Variants in PCLO observed in about 807,000 individuals in gnomAD.
PCLO encodes the protein piccolo presynaptic cytomatrix protein.
PCLO carries 82 observed loss-of-function variants against 427.5 expected under a neutral mutation model. That is an observed-to-expected ratio of 0.19 (90% CI 0.16 to 0.23). PCLO has a LOEUF of 0.23. PCLO is among the 10% of genes least tolerant of loss of function. The pLI is 1.00. For synonymous variants in PCLO, 2,357 were observed against 2,155.4 expected, an observed-to-expected ratio of 1.09 and a Z score of -2.59; for missense variants, 6,239 against 6,115.9, an observed-to-expected ratio of 1.02 and a Z score of -0.67.
At chr7:82,823,778 G>C (rs1791858340) in intron 19 of PCLO, among the ~76,000 whole-genome samples, 1 of 152,108 alleles carries the variant, frequency 6.6e-6, no homozygotes, top group Admixed American at 6.6e-5. Flanking sequence ...TAAATAAAAA[G>C]TAGCATGCAA....
intron 3 of PCLO, among the ~76,000 whole-genome samples, chr7:83,112,475 A>G (rs1562969696): frequency 6.6e-6 from 1 of 152,174 alleles, no homozygotes; most frequent in Non-Finnish European, 1.5e-5. Flanking sequence ...TTTTAGATAT[A>G]CAAAAGAATG....
intron 16 of PCLO, among the ~76,000 whole-genome samples, chr7:82,831,226 T>C (rs1339538933): frequency 6.6e-6 from 1 of 152,114 alleles, no homozygotes; most frequent in African/African-American, 2.4e-5. Flanking sequence ...AGGCGTATTG[T>C]CAAAGTTGCA....
Position 82,950,174 on chromosome 7 carries a change from C to T in PCLO, c.10414G>A (p.Val3472Ile), listed in dbSNP as rs368126805. The T allele has an allele frequency of 2.6e-5, 42 of 1,611,114 alleles. No homozygotes were observed. The highest frequency in any genetic ancestry group is 1.8e-4 in the East Asian group (8 of 44,786). ...TCCTGATCTTCATCATCAGTTTGGA[C>T]GCTTGTATCCACACTCTTTTTAGTT... ...RRTKKSVDTS[V>I]QTDDEDQDEW... is the part of the protein sequence containing the mutation. Residue 3472 changes from valine (V) to isoleucine (I), a missense_variant, in exon 6 of 25, where the codon GTC (valine) becomes ATC (isoleucine). Val to Ile is a conservative substitution (Grantham distance 29, BLOSUM62 3). Around this residue, in one of 5 missense-constraint regions of PCLO, gnomAD observed 4,677 missense variants for 4,468.4 expected, o/e 1.05. Transcript: ENST00000333891.
At chr7:82,771,983 C>T (rs1790656845) in intron 22 of PCLO, among the ~76,000 whole-genome samples, 1 of 152,006 alleles carries the variant, frequency 6.6e-6, no homozygotes, top group Admixed American at 6.6e-5. Flanking sequence ...ACAACGGACT[C>T]AAATGGTAAT....
At chr7:83,082,676 C>A (rs10241885) in intron 3 of PCLO, among the ~76,000 whole-genome samples, 42,430 of 150,976 alleles carry the variant, frequency 0.28, 6,961 homozygotes, top group East Asian at 0.55. Context: ...AATGATTAAG[C>A]CTTGAAGTGA....
intron 3 of PCLO, among the ~76,000 whole-genome samples, chr7:83,104,015 T>G (rs1220038854): frequency 6.6e-6 from 1 of 152,048 alleles, no homozygotes; most frequent in African/African-American, 2.4e-5. Flanking sequence ...TGAAAATTGT[T>G]GTTCATTAAG....
rs142689961 is a variant in PCLO at position 82,967,566 on chromosome 7, A to G, written c.3301-1079T>C. The stretch of plus-strand genomic sequence containing the variant: ...AGGGTCTTTAGACATACAAATTCCT[A>G]GGAACTACACCAAAAACCATTTTAG... On this transcript the variant is annotated intron_variant, in intron 3 of 24. Coordinates refer to ENST00000333891, the MANE Select transcript of PCLO (RefSeq NM_033026.6). Among the ~76,000 whole-genome samples the G allele has an allele frequency of 3.7e-4, 57 of 152,270 alleles. No individual in the cohort carries two copies. The East Asian group carries it at 9.7e-3, about 26-fold the overall frequency.
chr7:82,787,420 T>G (rs906776163), intron 22 of PCLO, among the ~76,000 whole-genome samples: 1 of 152,170 alleles, frequency 6.6e-6, no homozygotes, highest in Non-Finnish European at 1.5e-5. Flanking sequence ...AAAAGCAGGT[T>G]TTTAAATAAC....
chr7:83,058,660 C>T (rs920833234), intron 3 of PCLO, among the ~76,000 whole-genome samples: 2 of 152,094 alleles, frequency 1.3e-5, no homozygotes, highest in African/African-American at 4.8e-5. Flanking sequence ...CTCACAGCTA[C>T]TCTATTATTT....
Position 83,038,019 on chromosome 7 carries a change from ATATATATATATT to A in PCLO, c.3301-71544_3301-71533del, listed in dbSNP as rs1562932871. ...TATATATATATATATATATATATAT[ATATATATATATT>A]TATATATTTATATATATATCTTTAT... On this transcript the variant is annotated intron_variant, in intron 3 of 24. Coordinates refer to ENST00000333891, the MANE Select transcript of PCLO (RefSeq NM_033026.6). Among the ~76,000 whole-genome samples the A allele has an allele frequency of 2.8e-4, 13 of 47,054 alleles. 1 individual carries two copies. Among genetic ancestry groups the A allele is most frequent in the Non-Finnish European group, 3.5e-4 (10 of 28,782 alleles). 30.9% of individuals were successfully genotyped at this position (47,054 alleles called of 152,430 possible).
At chr7:82,779,280 TTGTC>T (rs1228784129) in intron 22 of PCLO, among the ~76,000 whole-genome samples, 4 of 152,290 alleles carry the variant, frequency 2.6e-5, no homozygotes, top group Admixed American at 2.0e-4. Context: ...TTTTTTCTCT[TTGTC>T]TGGTTTTCAC....
intron 22 of PCLO, among the ~76,000 whole-genome samples, chr7:82,777,802 AC>A (rs1460397451): frequency 6.6e-6 from 1 of 152,102 alleles, no homozygotes; most frequent in Non-Finnish European, 1.5e-5. Flanking sequence ...AAGTATAAAA[AC>A]CCTGGAAGAT....
At chr7:83,009,460 T>C (rs895470778) in intron 3 of PCLO, among the ~76,000 whole-genome samples, 2 of 151,856 alleles carry the variant, frequency 1.3e-5, no homozygotes, top group Non-Finnish European at 2.9e-5. Flanking sequence ...TTCCACCAAC[T>C]TTAAATAAAT....
At chr7:83,041,700 T>C (rs1156969280) in intron 3 of PCLO, among the ~76,000 whole-genome samples, 1 of 152,160 alleles carries the variant, frequency 6.6e-6, no homozygotes, top group African/African-American at 2.4e-5. Context: ...GACATTCCAA[T>C]ATAGCATTTA....
intron 1 of PCLO, among the ~76,000 whole-genome samples, chr7:83,159,323 T>C (rs758245806): frequency 2.0e-5 from 3 of 152,084 alleles, no homozygotes; most frequent in Admixed American, 6.6e-5. Flanking sequence ...CTGAAAGTAG[T>C]AAAGAAAATA....
In PCLO at chr7:83,134,662, G is replaced by T; in HGVS notation, c.2888C>A (p.Pro963Gln). Residue 963 changes from proline (P) to glutamine (Q), a missense_variant, in exon 3 of 25, where the codon CCA becomes CAA. Transcript: ENST00000333891. ...TGAAGGGGCAGGGGCTTGTTTCATT[G>T]GGGCCCCTGGTCCACTTTGTGAATG... The part of the protein sequence containing the change: ...GPHSQSGPGA[P>Q]MKQAPAPSQP... 1 of 1,613,668 alleles carries T rather than the reference G, an allele frequency of 6.2e-7. No homozygotes were observed. The highest frequency in any genetic ancestry group is 8.5e-7 in the Non-Finnish European group (1 of 1,179,756).
chr7:82,867,172 G>A (rs1404076256), intron 10 of PCLO, among the ~76,000 whole-genome samples: 1 of 152,202 alleles, frequency 6.6e-6, no homozygotes, highest in Non-Finnish European at 1.5e-5. Context: ...GGCTGATGCA[G>A]GAGGATCGTT....
At chr7:83,050,594 C>G (rs1038595458) in intron 3 of PCLO, among the ~76,000 whole-genome samples, 5 of 151,614 alleles carry the variant, frequency 3.3e-5, no homozygotes, top group African/African-American at 4.8e-5. Flanking sequence ...ATACAACAAC[C>G]AATTGTTGGA....
chr7:82,822,418 A>C (rs935663208), intron 20 of PCLO, 77 bp downstream of exon 20: 2 of 1,609,080 alleles, frequency 1.2e-6, no homozygotes, highest in Non-Finnish European at 1.7e-6. Context: ...GAAAGCAAAC[A>C]GGAAAGGACA....
Sources: allele counts gnomAD v4.1 joint callset (sites outside exome capture counted in the v4.1 genomes callset), GRCh38; gene constraint gnomAD v4.1.1; regional missense constraint gnomAD v4.1.1; transcripts MANE v1.5; gene names NCBI Gene and HGNC (gene_info 2026-07-23, HGNC 2026-07-21).